Variants in SLC22A23 observed in about 807,000 individuals in gnomAD.
SLC22A23 encodes solute carrier family 22 member 23, also known as ion transporter protein.
Under a neutral mutation model 61.0 loss-of-function variants are expected in SLC22A23, and 26 were observed. That is an observed-to-expected ratio of 0.43 (90% CI 0.31 to 0.59). SLC22A23 has a LOEUF of 0.59. SLC22A23 is among the 20% of genes least tolerant of loss of function. The pLI is 0.11. For missense variants in SLC22A23, 796 were observed against 934.7 expected (o/e 0.85, Z 1.94); for synonymous variants, 430 against 413.9 (o/e 1.04, Z -0.47).
In SLC22A23 at chr6:3,427,962, C is replaced by A. The variant is rs1340708863; in HGVS notation, c.655-12107G>T. Among the ~76,000 whole-genome samples, 1 of 152,220 alleles carries A rather than the reference C, an allele frequency of 6.6e-6. No individual in the cohort carries two copies. The highest frequency in any genetic ancestry group is 1.5e-5 in the Non-Finnish European group (1 of 68,042). ...TGGGGTGAGCCAGGAAGGCTCCCGA[C>A]CTTCCACTTCAGTGCCTCCGGCATC... On this transcript the variant is annotated intron_variant, in intron 1 of 9. Transcript: ENST00000406686. This position sits in a 1 kb window ranked among gnomAD's most constrained non-coding sequence, Gnocchi z 4.3.
chr6:3,360,130 T>C lies in SLC22A23; in HGVS notation c.914-36128A>G, dbSNP rs1289317389. Among the ~76,000 whole-genome samples the C allele has an allele frequency of 6.6e-6, 1 of 152,166 alleles. No individual in the cohort carries two copies. The highest frequency in any genetic ancestry group is 1.5e-5 in the Non-Finnish European group (1 of 68,032). ...AGGGATGGGAATGGGGAGTGTTTAT[T>C]GGGGACAGAGTTTGTTTGGGAAGAT... On this transcript the variant is annotated intron_variant, in intron 3 of 9. Transcript: ENST00000406686. The surrounding 1 kb of genome is among the most constrained non-coding windows in gnomAD (Gnocchi z 4.6).
chr6:3,325,312 A>G (rs1763215561), intron 3 of SLC22A23, among the ~76,000 whole-genome samples: 1 of 152,206 alleles, frequency 6.6e-6, no homozygotes, highest in African/African-American at 2.4e-5. Flanking sequence ...GTACAGATGA[A>G]TTATGCTTGG....
At chr6:3,401,993 T>C (rs1324236802) in intron 3 of SLC22A23, among the ~76,000 whole-genome samples, 2 of 152,192 alleles carry the variant, frequency 1.3e-5, no homozygotes, top group East Asian at 3.9e-4. Context: ...CTCTACAGGA[T>C]TTGGAATCAG....
At chr6:3,315,207 G>C (rs1762570827) in intron 4 of SLC22A23, among the ~76,000 whole-genome samples, 1 of 152,020 alleles carries the variant, frequency 6.6e-6, no homozygotes. Flanking sequence ...TGCAGGGTTG[G>C]AGGGATGGAA....
intron 1 of SLC22A23, among the ~76,000 whole-genome samples, chr6:3,423,639 T>C (rs1770293613): frequency 3.3e-5 from 5 of 152,038 alleles, no homozygotes; most frequent in Admixed American, 3.3e-4. Context: ...ACCCCACAGA[T>C]CCCTTAGCAT....
intron 3 of SLC22A23, among the ~76,000 whole-genome samples, chr6:3,331,841 A>T (rs777128592): frequency 1.3e-5 from 2 of 152,196 alleles, no homozygotes; most frequent in Non-Finnish European, 1.5e-5. Flanking sequence ...CATCCACTGG[A>T]ATTCTTTCCT....
At chr6:3,296,228 G>C (rs1478023917) in intron 5 of SLC22A23, among the ~76,000 whole-genome samples, 1 of 152,212 alleles carries the variant, frequency 6.6e-6, no homozygotes, top group African/African-American at 2.4e-5. Flanking sequence ...GGCCCCGCTG[G>C]AGAAACCTGG....
rs998936439 is a variant in SLC22A23 at position 3,386,516 on chromosome 6, G to A, written c.913+23672C>T. Among the ~76,000 whole-genome samples the A allele has an allele frequency of 2.6e-5, 4 of 152,186 alleles. No homozygotes were observed. The highest frequency in any genetic ancestry group is 6.5e-5 in the Admixed American group (1 of 15,292). On this transcript the variant is annotated intron_variant, in intron 3 of 9. Coordinates refer to ENST00000406686, the MANE Select transcript of SLC22A23 (RefSeq NM_015482.2). The surrounding 1 kb of genome is among the most constrained non-coding windows in gnomAD (Gnocchi z 4.4). ...AATAAAGCAGCCAACAGGAGGCTCC[G>A]GGTTCTGAGGCAGCCTTGTTCTTCC...
chr6:3,389,346 G>A (rs936554289), intron 3 of SLC22A23, among the ~76,000 whole-genome samples: 2 of 148,962 alleles, frequency 1.3e-5, no homozygotes, highest in Admixed American at 6.7e-5. Flanking sequence ...AGCACGATGC[G>A]AATACGCTTA....
At chr6:3,275,873 C>T (rs888094150) in intron 9 of SLC22A23, among the ~76,000 whole-genome samples, 14 of 152,356 alleles carry the variant, frequency 9.2e-5, no homozygotes, top group Admixed American at 2.0e-4. Context: ...TGAGCCACCA[C>T]GCCACTCTTA....
At position 3,324,095 on chromosome 6, in the gene SLC22A23, A is replaced by G; in HGVS notation, c.914-93T>C. On this transcript the variant is annotated intron_variant, in intron 3 of 9. Coordinates refer to ENST00000406686, the MANE Select transcript of SLC22A23 (RefSeq NM_015482.2). This position sits in a 1 kb window ranked among gnomAD's most constrained non-coding sequence, Gnocchi z 4.3. ...CCTGGGCCAGTGCACTGCTTAACCC[A>G]CCAACGACTGAAATTGTTTTCATCT... 6.9e-7 allele frequency: 1 copy of G among 1,453,870 alleles called. No homozygotes were observed. The highest frequency in any genetic ancestry group is 9.4e-7 in the Non-Finnish European group (1 of 1,064,410). The allele number at this position is 1,453,870 out of a possible 1,614,324, so 90.1% of individuals were successfully genotyped here. A position where few individuals can be genotyped will look rare whatever the true frequency, so the allele number is the denominator to read the frequency against.
intron 3 of SLC22A23, among the ~76,000 whole-genome samples, chr6:3,352,032 G>A (rs1764799387): frequency 1.3e-5 from 2 of 152,180 alleles, no homozygotes; most frequent in Admixed American, 6.5e-5. Context: ...TGAAATGGGC[G>A]TCAAGGCGAA....
At chr6:3,392,020 C>T (rs993133632) in intron 3 of SLC22A23, among the ~76,000 whole-genome samples, 4 of 151,928 alleles carry the variant, frequency 2.6e-5, no homozygotes, top group East Asian at 1.9e-4. Flanking sequence ...TTGGAATGCA[C>T]GATGGAAGCT....
intron 3 of SLC22A23, among the ~76,000 whole-genome samples, chr6:3,379,576 T>C (rs1766822739): frequency 1.3e-5 from 2 of 152,052 alleles, no homozygotes; most frequent in Admixed American, 1.3e-4. Context: ...TTTTGGATAG[T>C]TTAGCTTAGG....
intron 1 of SLC22A23, among the ~76,000 whole-genome samples, chr6:3,433,653 C>A (rs1181993243): frequency 6.6e-6 from 1 of 152,168 alleles, no homozygotes; most frequent in African/African-American, 2.4e-5. Context: ...CTGGAAACAA[C>A]CCTGCGTCCA....
At chr6:3,273,524 C>T (rs1310275035) in intron 9 of SLC22A23, 112 bp from the exon 10 acceptor site, 2 of 1,191,662 alleles carry the variant, frequency 1.7e-6, no homozygotes, top group Non-Finnish European at 2.4e-6. Flanking sequence ...CTGCCCTGGG[C>T]ACTGCCCAGT....
chr6:3,306,488 G>A (rs568707687), intron 4 of SLC22A23, among the ~76,000 whole-genome samples: 1 of 152,332 alleles, frequency 6.6e-6, no homozygotes, highest in South Asian at 2.1e-4. Flanking sequence ...CCATTTTACA[G>A]ATGGGAAAAC....
At chr6:3,417,372 A>G (rs1276015813) in intron 1 of SLC22A23, among the ~76,000 whole-genome samples, 2 of 152,186 alleles carry the variant, frequency 1.3e-5, no homozygotes, top group African/African-American at 4.8e-5. Context: ...ATGGGAATGT[A>G]AGCACAGACT....
intron 1 of SLC22A23, among the ~76,000 whole-genome samples, chr6:3,428,188 C>G (rs1353965984): frequency 3.3e-5 from 5 of 152,214 alleles, no homozygotes; most frequent in Non-Finnish European, 7.3e-5. Context: ...AGCAGAGACC[C>G]TCTCATGCCA....
Sources: allele counts gnomAD v4.1 joint callset (sites outside exome capture counted in the v4.1 genomes callset), GRCh38; gene constraint gnomAD v4.1.1; non-coding constraint Gnocchi (gnomAD v3.1); transcripts MANE v1.5; gene names NCBI Gene and HGNC (gene_info 2026-07-23, HGNC 2026-07-21).